Variants in FURIN observed in about 807,000 individuals in gnomAD.
The protein encoded by FURIN is furin, paired basic amino acid cleaving enzyme.
Under a neutral mutation model 89.2 loss-of-function variants are expected in FURIN, and 18 were observed. The observed-to-expected ratio is 0.20, with a 90% CI of 0.14 to 0.30. The LOEUF (loss-of-function observed/expected upper bound fraction) is 0.30, where lower values mean the gene tolerates loss of function less well. FURIN is among the 10% of genes least tolerant of loss of function. The pLI, the probability that FURIN is intolerant of heterozygous loss-of-function variation, is 1.00. For synonymous variants in FURIN, 508 were observed against 466.4 expected, an observed-to-expected ratio of 1.09 and a Z score of -1.15; for missense variants, 879 against 1,100.5, an observed-to-expected ratio of 0.80 and a Z score of 2.85.
rs760035910 is a variant in FURIN, at chr15:90,879,853, C to T, written c.1259-14C>T. On this transcript the variant is annotated splice_polypyrimidine_tract_variant and intron_variant, in intron 11 of 15. Transcript: ENST00000268171. Reference sequence around the variant, plus strand: ...TGTGCCTGACAGCTGACCCTACCTTCCCTGTCCCCACAGTGAGCCACTCAT... The same window carrying T: ...TGTGCCTGACAGCTGACCCTACCTTTCCTGTCCCCACAGTGAGCCACTCAT... 2.5e-6 allele frequency: 4 copies of T among 1,610,964 alleles called. No homozygotes were observed. Among genetic ancestry groups the T allele is most frequent in the African/African-American group, 1.3e-5 (1 of 74,912 alleles).
Position 90,876,640 on chromosome 15 carries a change from C to G in FURIN, c.372+83C>G. 1.1e-6 allele frequency: 1 copy of G among 940,302 alleles called. No individual in the cohort carries two copies. The highest frequency in any genetic ancestry group is 1.9e-5 in the Admixed American group (1 of 52,160). 58.2% of individuals were successfully genotyped at this position (940,302 alleles called of 1,614,324 possible). A position where few individuals can be genotyped will look rare whatever the true frequency, so the allele number is the denominator to read the frequency against. On this transcript the variant is annotated intron_variant, in intron 4 of 15. Coordinates refer to ENST00000268171, the MANE Select transcript of FURIN (RefSeq NM_002569.4). The surrounding 1 kb of genome is among the most constrained non-coding windows in gnomAD (Gnocchi z 5.0). ...TGAGCTCTTGGATGGAGGAGGCTGT[C>G]TTCGAGGCCTCCTCTGATTCGTTTC...
chr15:90,877,480 T>C, intron 6 of FURIN, 47 bp from the exon 7 acceptor site: 3 of 1,453,204 alleles, frequency 2.1e-6, no homozygotes, highest in Non-Finnish European at 2.8e-6. Flanking sequence ...TGCCGGGCCC[T>C]GTTCACCCCA....
intron 1 of FURIN, among the ~76,000 whole-genome samples, chr15:90,870,889 T>A (rs1261202584): frequency 1.3e-5 from 2 of 152,168 alleles, no homozygotes; most frequent in Non-Finnish European, 2.9e-5. Context: ...GTGGATTAAA[T>A]CATGTACATA....
intron 6 of FURIN, 126 bp downstream of exon 6, chr15:90,877,337 T>G: frequency 1.0e-6 from 1 of 972,816 alleles, no homozygotes; most frequent in Non-Finnish European, 1.5e-6. Flanking sequence ...CTGGCCCACC[T>G]GGGGCTCTGA....
At chr15:90,880,541 C>G in intron 13 of FURIN, 150 bp from the exon 14 acceptor site, 2 of 825,174 alleles carry the variant, frequency 2.4e-6, no homozygotes, top group South Asian at 1.8e-5. Flanking sequence ...ACGTCTGGCT[C>G]ACTGAGAAAC....
At chr15:90,868,941 C>T (rs1426555534) in intron 1 of FURIN, among the ~76,000 whole-genome samples, 1 of 152,074 alleles carries the variant, frequency 6.6e-6, no homozygotes, top group African/African-American at 2.4e-5. Flanking sequence ...GTGCTGCTGC[C>T]GAAGGCTTTA....
Position 90,881,071 on chromosome 15 carries a change from G to T in FURIN, c.1792+31G>T, listed in dbSNP as rs368384395. The stretch of plus-strand genomic sequence containing the variant: ...TAGTGGGTGCTGTTGGGCTTTGGGG[G>T]CCTGAGTCTGGGGGTAAGGCGGGTG... On this transcript the variant is annotated intron_variant, in intron 15 of 15. Coordinates refer to ENST00000268171, the MANE Select transcript of FURIN (RefSeq NM_002569.4). This position sits in a 1 kb window ranked among gnomAD's most constrained non-coding sequence, Gnocchi z 4.3. 71 of 1,514,816 alleles carry T rather than the reference G, an allele frequency of 4.7e-5. No homozygotes were observed. In the African/African-American group the frequency reaches 7.9e-4, roughly 17 times the overall value. 93.8% of individuals were successfully genotyped at this position (1,514,816 alleles called of 1,614,324 possible). A position where few individuals can be genotyped will look rare whatever the true frequency, so the allele number is the denominator to read the frequency against.
chr15:90,880,348 C>A, intron 13 of FURIN, 75 bp downstream of exon 13: 1 of 1,256,522 alleles, frequency 8.0e-7, no homozygotes, highest in Non-Finnish European at 1.1e-6. Flanking sequence ...TTTGCTCGCT[C>A]ACACGGCCCA....
Position 90,879,667 on chromosome 15 carries a change from G to T in FURIN, c.1155-4G>T. The T allele has an allele frequency of 6.2e-7, 1 of 1,611,800 alleles. No individual in the cohort carries two copies. Among genetic ancestry groups the T allele is most frequent in the African/African-American group, 1.3e-5 (1 of 75,004 alleles). ...TCCCCAGCCTCTCCCTTCCTTCTTT[G>T]CAGTAAGAACCTCACATGGCGGGAC... is the stretch of plus-strand genomic sequence containing the variant. On this transcript the variant is annotated splice_region_variant and splice_polypyrimidine_tract_variant and intron_variant, in intron 10 of 15. Transcript: ENST00000268171.
intron 1 of FURIN, among the ~76,000 whole-genome samples, chr15:90,871,289 C>T (rs2031274265): frequency 6.6e-6 from 1 of 152,116 alleles, no homozygotes. Flanking sequence ...TCTCCGCGGC[C>T]GTCTTCCCGG....
chr15:90,873,182 T>A (rs2151219982), intron 1 of FURIN: 1 of 152,306 alleles, frequency 6.6e-6, no homozygotes, highest in Non-Finnish European at 1.5e-5. Flanking sequence ...GATCCTCCCT[T>A]GTCCCACATG....
At chr15:90,875,158 C>G (rs565851302) in intron 1 of FURIN, among the ~76,000 whole-genome samples, 3 of 151,850 alleles carry the variant, frequency 2.0e-5, no homozygotes, top group African/African-American at 7.3e-5. Flanking sequence ...CCTCAGCCTC[C>G]CAAGTCGCTG....
chr15:90,872,368 C>T (rs1596073693), intron 1 of FURIN, among the ~76,000 whole-genome samples: 2 of 152,284 alleles, frequency 1.3e-5, no homozygotes, highest in Admixed American at 6.5e-5. Flanking sequence ...TCCCATCATC[C>T]TCTACCCCCT....
rs1232399535 is a variant in FURIN at position 90,881,547 on chromosome 15, C to T, written c.2054C>T (p.Ser685Phe). ...CGGCAAAGCCAGAGCAGCCGAGAGT[C>T]CCCGCCACAGCAGCAGCCACCTCGG... ...CSRQSQSSRE[S>F]PPQQQPPRLP... Residue 685 changes from serine (S) to phenylalanine (F), a missense_variant, in exon 16 of 16, where the codon TCC (serine) becomes TTC (phenylalanine). Around this residue, in one of 5 missense-constraint regions of FURIN, gnomAD observed 457 missense variants for 490.7 expected, o/e 0.93. Coordinates refer to ENST00000268171, the MANE Select transcript of FURIN (RefSeq NM_002569.4). The surrounding 1 kb of genome is among the most constrained non-coding windows in gnomAD (Gnocchi z 4.3). The T allele has an allele frequency of 3.1e-6, 5 of 1,612,124 alleles. No homozygotes were observed. Among genetic ancestry groups the T allele is most frequent in the African/African-American group, 1.3e-5 (1 of 74,918 alleles).
chr15:90,880,025 T>C lies in FURIN; in HGVS notation c.1376+41T>C, dbSNP rs1269462923. The C allele has an allele frequency of 1.9e-6, 3 of 1,604,046 alleles. No homozygotes were observed. The African/African-American group carries it at 4.0e-5, about 21-fold the overall frequency. ...AGGCTGGGAGGGGGCCAGTGGGACC[T>C]GAGAGTCGCAGGGGGTGCCCGCTGG... On this transcript the variant is annotated intron_variant, in intron 12 of 15. Coordinates refer to ENST00000268171, the MANE Select transcript of FURIN (RefSeq NM_002569.4).
chr15:90,881,759 C>T lies in FURIN; in HGVS notation c.2266C>T (p.Leu756Phe), dbSNP rs777087506. 9 of 1,611,960 alleles carry T rather than the reference C, an allele frequency of 5.6e-6. No individual in the cohort carries two copies. The highest frequency in any genetic ancestry group is 1.6e-4 in the Middle Eastern group (1 of 6,066). The change falls in exon 16 of 16, where the codon CTC becomes TTC. Residue 756 changes from leucine to phenylalanine, a missense_variant. Transcript: ENST00000268171. This position sits in a 1 kb window ranked among gnomAD's most constrained non-coding sequence, Gnocchi z 4.3. The part of the protein sequence containing the change: ...GVKVYTMDRG[L>F]ISYKGLPPEA... ...GAAGGTGTACACCATGGACCGTGGCCTCATCTCCTACAAGGGGCTGCCCCC... is the reference window on the plus strand; with the variant it reads ...GAAGGTGTACACCATGGACCGTGGCTTCATCTCCTACAAGGGGCTGCCCCC...
In FURIN at chr15:90,882,067, G is replaced by A. The variant is rs910631029; in HGVS notation, c.*189G>A. The A allele has an allele frequency of 1.4e-5, 8 of 586,790 alleles. No individual in the cohort carries two copies. In the African/African-American group the frequency reaches 1.5e-4, roughly 11 times the overall value. The allele number at this position is 586,790 out of a possible 1,614,324, so 36.3% of individuals were successfully genotyped here. ...GGGCCCAGGACCAGCTGGGGCGTGG[G>A]GAGGGCCGTACCCCACCCTCAGCAC... On this transcript the variant is annotated 3_prime_UTR_variant, in exon 16 of 16. Transcript: ENST00000268171.
At position 90,880,183 on chromosome 15, in the gene FURIN, C is replaced by T; in HGVS notation, c.1466C>T (p.Ala489Val). The change falls in exon 13 of 16, where the codon GCG becomes GTG. Residue 489 changes from alanine (A) to valine (V), a missense_variant. Ala to Val is a moderately conservative substitution (Grantham distance 64, BLOSUM62 0). Coordinates refer to ENST00000268171, the MANE Select transcript of FURIN (RefSeq NM_002569.4). ...NHITRLEHAQ[A>V]RLTLSYNRRG... ...ATCACTCGGCTGGAGCACGCTCAGG[C>T]GCGGCTCACCCTGTCCTATAATCGC... 2 of 1,612,558 alleles carry T rather than the reference C, an allele frequency of 1.2e-6. No individual in the cohort carries two copies. The highest frequency in any genetic ancestry group is 1.7e-6 in the Non-Finnish European group (2 of 1,179,582).
intron 1 of FURIN, 112 bp from the exon 2 acceptor site, chr15:90,875,470 C>G: frequency 2.6e-6 from 1 of 382,008 alleles, no homozygotes; most frequent in East Asian, 4.2e-5. Flanking sequence ...ACCCTTCTCC[C>G]CCAGATCTCA....
Sources: allele counts gnomAD v4.1 joint callset (sites outside exome capture counted in the v4.1 genomes callset), GRCh38; gene constraint gnomAD v4.1.1; regional missense constraint gnomAD v4.1.1; non-coding constraint Gnocchi (gnomAD v3.1); transcripts MANE v1.5; gene names NCBI Gene and HGNC (gene_info 2026-07-23, HGNC 2026-07-21).